CNTNAP2: variants seen among roughly 807,000 people sequenced by gnomAD.
The protein encoded by CNTNAP2 is contactin associated protein 2, also known as contactin-associated protein-like 2.
In CNTNAP2, 98 loss-of-function variants were observed where a neutral mutation model predicts 155.2. That is an observed-to-expected ratio of 0.63 (90% CI 0.54 to 0.75). CNTNAP2 has a LOEUF of 0.75. CNTNAP2 is among the 30% of genes least tolerant of loss of function. CNTNAP2 has a pLI of 0.00. For missense variants in CNTNAP2, 1,727 were observed against 1,688.1 expected (o/e 1.02, Z -0.40); for synonymous variants, 651 against 631.2 (o/e 1.03, Z -0.47).
In CNTNAP2 at chr7:146,583,523, T is replaced by C. The variant is rs181763936; in HGVS notation, c.98-190748T>C. On this transcript the variant is annotated intron_variant, in intron 1 of 23. Coordinates refer to ENST00000361727, the MANE Select transcript of CNTNAP2 (RefSeq NM_014141.6). ...GGAGGGGAGGTGGATCAGGGAAGGTTTGGGCTTAGCTTTTTAACACACCAT... is the reference window on the plus strand; with the variant it reads ...GGAGGGGAGGTGGATCAGGGAAGGTCTGGGCTTAGCTTTTTAACACACCAT... 8.9e-4 allele frequency among the ~76,000 whole-genome samples: 135 copies of C among 152,210 alleles called. 1 individual carries two copies. The highest frequency in any genetic ancestry group is 3.0e-3 in the African/African-American group (125 of 41,550).
At chr7:147,696,095 C>T (rs1398252187) in intron 13 of CNTNAP2, among the ~76,000 whole-genome samples, 1 of 152,172 alleles carries the variant, frequency 6.6e-6, no homozygotes, top group Non-Finnish European at 1.5e-5. Context: ...TCATGTACAA[C>T]ACATATTGTT....
intron 9 of CNTNAP2, among the ~76,000 whole-genome samples, chr7:147,320,331 C>G (rs2692149): frequency 0.49 from 74,685 of 152,008 alleles, 19,508 homozygotes; most frequent in East Asian, 0.73. Context: ...TAAAATTCTT[C>G]CAGACATTCA....
intron 13 of CNTNAP2, among the ~76,000 whole-genome samples, chr7:147,841,962 T>C (rs1213347584): frequency 2.7e-5 from 4 of 150,530 alleles, no homozygotes; most frequent in African/African-American, 7.5e-5. Flanking sequence ...TTTTAAATTA[T>C]AAACCAAACT....
intron 1 of CNTNAP2, among the ~76,000 whole-genome samples, chr7:146,243,026 T>C (rs546565484): frequency 6.6e-6 from 1 of 151,804 alleles, no homozygotes; most frequent in East Asian, 1.9e-4. Flanking sequence ...TGGATGTTTC[T>C]ATTTTTGAAA....
At chr7:146,190,546 C>T (rs964335951) in intron 1 of CNTNAP2, among the ~76,000 whole-genome samples, 1 of 152,108 alleles carries the variant, frequency 6.6e-6, no homozygotes, top group African/African-American at 2.4e-5. Context: ...GTACCAAAAC[C>T]CTTTGGCAGG....
At chr7:147,725,633 G>T (rs1796627847) in intron 13 of CNTNAP2, among the ~76,000 whole-genome samples, 1 of 152,028 alleles carries the variant, frequency 6.6e-6, no homozygotes, top group Non-Finnish European at 1.5e-5. Context: ...GGCTGGATCT[G>T]GTGTCAACTG....
rs1457004446 is a variant in CNTNAP2, at chr7:146,644,389, C to T, written c.98-129882C>T. Among the ~76,000 whole-genome samples the T allele has an allele frequency of 3.3e-5, 5 of 152,190 alleles. No individual in the cohort carries two copies. In the East Asian group the frequency reaches 9.7e-4, roughly 29 times the overall value. ...AGGGTTGTTGAATTTTGTCAAAGGC[C>T]TGTTCTGCATCTATTGAGATAATCA... On this transcript the variant is annotated intron_variant, in intron 1 of 23. Coordinates refer to ENST00000361727, the MANE Select transcript of CNTNAP2 (RefSeq NM_014141.6).
intron 15 of CNTNAP2, among the ~76,000 whole-genome samples, chr7:148,091,930 C>T (rs142297493): frequency 6.6e-6 from 1 of 152,224 alleles, no homozygotes; most frequent in East Asian, 1.9e-4. Flanking sequence ...CAACTTCCCT[C>T]GGGTTCCAGA....
intron 1 of CNTNAP2, among the ~76,000 whole-genome samples, chr7:146,767,793 C>A (rs745323562): frequency 1.1e-4 from 16 of 151,976 alleles, no homozygotes; most frequent in African/African-American, 3.9e-4. Context: ...AAATCTAGAA[C>A]GACTGGGTCA....
In CNTNAP2 at chr7:148,061,865, A is replaced by T. The variant is rs1216490045; in HGVS notation, c.2384-56253A>T. ...TAGTTAGATAAATAGATATAGATAG[A>T]TAGATAAACAGATATAGATAGATAG... On this transcript the variant is annotated intron_variant, in intron 15 of 23. Transcript: ENST00000361727. Among the ~76,000 whole-genome samples the T allele has an allele frequency of 3.2e-4, 48 of 148,112 alleles. 2 individuals carry two copies. The highest frequency in any genetic ancestry group is 8.3e-4 in the African/African-American group (33 of 39,854).
At chr7:148,375,023 A>G (rs1017873736) in intron 21 of CNTNAP2, among the ~76,000 whole-genome samples, 9 of 152,106 alleles carry the variant, frequency 5.9e-5, no homozygotes, top group African/African-American at 2.2e-4. Flanking sequence ...AGGCTGAGGA[A>G]TGGGGCACCA....
intron 1 of CNTNAP2, among the ~76,000 whole-genome samples, chr7:146,774,031 A>G (rs1802343521): frequency 6.6e-6 from 1 of 152,176 alleles, no homozygotes; most frequent in Admixed American, 6.5e-5. Context: ...GACTGAGGTG[A>G]AGTCCTTTGG....
At chr7:146,741,209 G>A (rs10237793) in intron 1 of CNTNAP2, among the ~76,000 whole-genome samples, 11,339 of 152,054 alleles carry the variant, frequency 0.075, 1,056 homozygotes, top group African/African-American at 0.22. Context: ...GTACTACAAC[G>A]AGGCACTGTG....
intron 14 of CNTNAP2, among the ~76,000 whole-genome samples, chr7:147,957,832 T>C (rs1801045614): frequency 6.6e-6 from 1 of 152,154 alleles, no homozygotes; most frequent in East Asian, 1.9e-4. Context: ...CTCAGCACTT[T>C]GGGAAGCCGA....
At chr7:146,496,412 C>T (rs1195403761) in intron 1 of CNTNAP2, among the ~76,000 whole-genome samples, 1 of 152,130 alleles carries the variant, frequency 6.6e-6, no homozygotes, top group Non-Finnish European at 1.5e-5. Context: ...ATGATAAATA[C>T]ATTGAATTTA....
At chr7:147,095,182 G>C (rs1486787144) in intron 4 of CNTNAP2, among the ~76,000 whole-genome samples, 1 of 131,392 alleles carries the variant, frequency 7.6e-6, no homozygotes, top group East Asian at 2.5e-4. Context: ...ACCACGCCTG[G>C]CTAATTTTTT....
intron 21 of CNTNAP2, among the ~76,000 whole-genome samples, chr7:148,301,306 A>AAATATATATATATATATATATAT: frequency 5.8e-5 from 6 of 103,872 alleles, no homozygotes; most frequent in Non-Finnish European, 1.2e-4. Context: ...AAAAAAAAAA[A>AAATATATATATATATATATATAT]ATATATATAT....
intron 8 of CNTNAP2, among the ~76,000 whole-genome samples, chr7:147,154,175 A>G (rs1374725084): frequency 1.3e-5 from 2 of 152,142 alleles, no homozygotes. Context: ...ATAAGATAAA[A>G]CAGTTTCTAT....
At chr7:147,787,480 C>T (rs951759640) in intron 13 of CNTNAP2, among the ~76,000 whole-genome samples, 1 of 152,164 alleles carries the variant, frequency 6.6e-6, no homozygotes, top group Admixed American at 6.5e-5. Context: ...TCATTGTATA[C>T]CACATGGTTA....
Sources: gnomAD v4.1 joint callset for allele counts (sites outside exome capture counted in the v4.1 genomes callset) on GRCh38, gnomAD v4.1.1 for gene constraint, MANE v1.5 for transcripts, NCBI Gene and HGNC (gene_info 2026-07-23, HGNC 2026-07-21) for gene names.